Variants in LYPD1 observed in about 807,000 individuals in gnomAD.
LYPD1 encodes the protein ly6/PLAUR domain-containing protein 1.
In LYPD1, 14 loss-of-function variants were observed where a neutral mutation model predicts 14.2. That is an observed-to-expected ratio of 0.99 (90% confidence interval 0.65 to 1.54). The LOEUF (loss-of-function observed/expected upper bound fraction) is 1.54. Among genes scored for constraint, LYPD1 ranks in the 40% most tolerant of loss-of-function variants. The pLI, the probability that LYPD1 is intolerant of heterozygous loss-of-function variation, is 0.00. For synonymous variants in LYPD1, 85 were observed against 70.6 expected, an observed-to-expected ratio of 1.20 and a Z score of -1.02; for missense variants, 165 against 175.7, an observed-to-expected ratio of 0.94 and a Z score of 0.34.
At position 132,650,557 on chromosome 2, in the gene LYPD1, CTCTA is replaced by C. The variant is rs113541733; in HGVS notation, c.191-4281_191-4278del. Among the ~76,000 whole-genome samples the C allele has an allele frequency of 4.1e-4, 62 of 152,220 alleles. 1 individual carries two copies. The highest frequency in any genetic ancestry group is 6.8e-4 in the Non-Finnish European group (46 of 68,006). ...GTCATGGCAAAAGAATAGACCATCA[CTCTA>C]TCTATCACCAGGGAAGTGGTAAATT... On this transcript the variant is annotated intron_variant, in intron 2 of 2. Transcript: ENST00000397463.
At position 132,645,963 on chromosome 2, in the gene LYPD1, G is replaced by A. The variant is rs1682046709; in HGVS notation, c.*82C>T. On this transcript the variant is annotated 3_prime_UTR_variant, in exon 3 of 3. Coordinates refer to ENST00000397463, the MANE Select transcript of LYPD1 (RefSeq NM_144586.7). Reference sequence around the variant, plus strand: ...CCTACCCAGAATAAAAGGACACCCAGAAGAAACTCACTCAGGGAGGTGGGG... The same window carrying A: ...CCTACCCAGAATAAAAGGACACCCAAAAGAAACTCACTCAGGGAGGTGGGG... The A allele has an allele frequency of 9.3e-7, 1 of 1,075,568 alleles. No individual in the cohort carries two copies. Among genetic ancestry groups the A allele is most frequent in the East Asian group, 2.6e-5 (1 of 39,210 alleles). 66.6% of individuals were successfully genotyped at this position (1,075,568 alleles called of 1,614,324 possible).
In LYPD1 at chr2:132,645,623, C is replaced by A. The variant is rs1004779751; in HGVS notation, c.*422G>T. ...GAAGTTTGAATGTCAAGCGAGGGAG[C>A]CTTGAGTGGGAACTGGCCCTCCAGC... On this transcript the variant is annotated 3_prime_UTR_variant, in exon 3 of 3. Transcript: ENST00000397463. 3 of 1,599,590 alleles carry A rather than the reference C, an allele frequency of 1.9e-6. No homozygotes were observed. The highest frequency in any genetic ancestry group is 2.7e-5 in the African/African-American group (2 of 74,366).
rs934612809 is a variant in LYPD1, at chr2:132,643,729, A to G, written c.*2316T>C. Among the ~76,000 whole-genome samples the G allele has an allele frequency of 2.0e-5, 3 of 152,124 alleles. No homozygotes were observed. Among genetic ancestry groups the G allele is most frequent in the Admixed American group, 6.6e-5 (1 of 15,262 alleles). ...GAGATGGGGTCTTGCTATGTTGCCT[A>G]GGTGGGTCTCAAATTTCTAGGCTTA... On this transcript the variant is annotated 3_prime_UTR_variant, in exon 3 of 3. Transcript: ENST00000397463.
intron 2 of LYPD1, among the ~76,000 whole-genome samples, chr2:132,648,057 A>T (rs1441511433): frequency 6.6e-6 from 1 of 152,206 alleles, no homozygotes; most frequent in Non-Finnish European, 1.5e-5. Flanking sequence ...CGAGGTACAG[A>T]GGATGCCTGT....
chr2:132,655,853 C>G lies in LYPD1; in HGVS notation c.191-9573G>C, dbSNP rs532800821. 3.3e-5 allele frequency among the ~76,000 whole-genome samples: 5 copies of G among 152,156 alleles called. No homozygotes were observed. In the South Asian group the frequency reaches 1.0e-3, roughly 32 times the overall value. On this transcript the variant is annotated intron_variant, in intron 2 of 2. Coordinates refer to ENST00000397463, the MANE Select transcript of LYPD1 (RefSeq NM_144586.7). ...AAACTAATCTTCTCCTACAAATAGC[C>G]CCTGGACCTTGAGGATCATAAATGG...
chr2:132,668,267 A>C lies in LYPD1; in HGVS notation c.190+133T>G, dbSNP rs191311937. On this transcript the variant is annotated intron_variant, in intron 2 of 2. Transcript: ENST00000397463. ...AACTCTTCATTTTCCCAGCACTGTAAAACTAAATCTGCGATAACCAGTGTG... is the reference window on the plus strand; with the variant it reads ...AACTCTTCATTTTCCCAGCACTGTACAACTAAATCTGCGATAACCAGTGTG... 138 of 1,191,692 alleles carry C rather than the reference A, an allele frequency of 1.2e-4. 2 individuals are homozygous for C. The East Asian group carries it at 3.2e-3, about 28-fold the overall frequency. 73.8% of individuals were successfully genotyped at this position (1,191,692 alleles called of 1,614,324 possible).
rs1683466532 is a variant in LYPD1 at position 132,669,068 on chromosome 2, G to A, written c.53-531C>T. Among the ~76,000 whole-genome samples, 2 of 152,218 alleles carry A rather than the reference G, an allele frequency of 1.3e-5. No individual in the cohort carries two copies. Among genetic ancestry groups the A allele is most frequent in the Admixed American group, 6.5e-5 (1 of 15,284 alleles). ...GCGACCACCTGGGAACAACTTGGGT[G>A]GAGGTGCCAGACGCCAAGCGCTGCT... On this transcript the variant is annotated intron_variant, in intron 1 of 2. Coordinates refer to ENST00000397463, the MANE Select transcript of LYPD1 (RefSeq NM_144586.7). The surrounding 1 kb of genome is among the most constrained non-coding windows in gnomAD (Gnocchi z 4.3).
chr2:132,659,549 A>G (rs1192850326), intron 2 of LYPD1, among the ~76,000 whole-genome samples: 1 of 152,180 alleles, frequency 6.6e-6, no homozygotes, highest in Non-Finnish European at 1.5e-5. Context: ...CAAAGATGAA[A>G]TTGTTTCTGG....
chr2:132,649,381 C>G (rs1236990120), intron 2 of LYPD1, among the ~76,000 whole-genome samples: 1 of 152,086 alleles, frequency 6.6e-6, no homozygotes, highest in Admixed American at 6.6e-5. Flanking sequence ...TGTTTGGAGT[C>G]TGCAAAGAAG....
In LYPD1 at chr2:132,670,082, G is replaced by T. The variant is rs551914471; in HGVS notation, c.-150C>A. 5 of 1,481,666 alleles carry T rather than the reference G, an allele frequency of 3.4e-6. No homozygotes were observed. The Admixed American group carries it at 9.3e-5, about 27-fold the overall frequency. 91.8% of individuals were successfully genotyped at this position (1,481,666 alleles called of 1,614,324 possible). On this transcript the variant is annotated 5_prime_UTR_variant, in exon 1 of 3. Transcript: ENST00000397463. The surrounding 1 kb of genome is among the most constrained non-coding windows in gnomAD (Gnocchi z 4.5). ...ACGACGGTCGTAGCTTAGAGGAGCC[G>T]CAGGTGCCGCTCGCGGAGCCTGCAT... is the stretch of plus-strand genomic sequence containing the variant.
In LYPD1 at chr2:132,644,711, A is replaced by G. The variant is rs1384308041; in HGVS notation, c.*1334T>C. Reference sequence around the variant, plus strand: ...AAACACTGCTTTATCTAATGCAGCTATACTGTATGTATACATCTTTTTCTT... The same window carrying G: ...AAACACTGCTTTATCTAATGCAGCTGTACTGTATGTATACATCTTTTTCTT... On this transcript the variant is annotated 3_prime_UTR_variant, in exon 3 of 3. Transcript: ENST00000397463. 3.3e-5 allele frequency: 6 copies of G among 184,578 alleles called. No individual in the cohort carries two copies. Among genetic ancestry groups the G allele is most frequent in the African/African-American group, 1.4e-4 (6 of 42,060 alleles). The allele number at this position is 184,578 out of a possible 1,614,324, so 11.4% of individuals were successfully genotyped here.
chr2:132,650,217 ACT>A lies in LYPD1; in HGVS notation c.191-3939_191-3938del, dbSNP rs373101709. Reference sequence around the variant, plus strand: ...AGAGCTTTGAAACACATGAAAAGATACTCTCTCATATCATAAGAAGAATGCAA... The same window carrying A: ...AGAGCTTTGAAACACATGAAAAGATACTCTCATATCATAAGAAGAATGCAA... On this transcript the variant is annotated intron_variant, in intron 2 of 2. Transcript: ENST00000397463. Among the ~76,000 whole-genome samples the A allele has an allele frequency of 3.9e-4, 59 of 152,270 alleles. 2 individuals carry two copies. Among genetic ancestry groups the A allele is most frequent in the African/African-American group, 1.3e-3 (54 of 41,556 alleles).
In LYPD1 at chr2:132,643,856, G is replaced by A. The variant is rs1326114535; in HGVS notation, c.*2189C>T. Among the ~76,000 whole-genome samples the A allele has an allele frequency of 2.6e-5, 4 of 152,192 alleles. No homozygotes were observed. The highest frequency in any genetic ancestry group is 9.7e-5 in the African/African-American group (4 of 41,442). On this transcript the variant is annotated 3_prime_UTR_variant, in exon 3 of 3. Coordinates refer to ENST00000397463, the MANE Select transcript of LYPD1 (RefSeq NM_144586.7). ...ATAGAATATTTACCATGGGTCATAG[G>A]CAGGAAGCATTCATTGCCAACTGTC...
intron 2 of LYPD1, among the ~76,000 whole-genome samples, chr2:132,646,770 G>A (rs1367573638): frequency 1.3e-5 from 2 of 152,200 alleles, no homozygotes; most frequent in Non-Finnish European, 1.5e-5. Flanking sequence ...AAATCCCGAA[G>A]GGAAATAAAT....
rs1553462368 is a variant in LYPD1, at chr2:132,645,507, T to TAA, written c.*536_*537dup. 8.1e-6 allele frequency: 13 copies of TAA among 1,614,086 alleles called. No homozygotes were observed. The highest frequency in any genetic ancestry group is 7.7e-5 in the South Asian group (7 of 91,074). On this transcript the variant is annotated 3_prime_UTR_variant, in exon 3 of 3. Transcript: ENST00000397463. Reference sequence around the variant, plus strand: ...TTCAGAGCGAGGCCGAGCCCCAGTCTAAGTCCCAGTCATTGAGTCTCGAGT... The same window carrying TAA: ...TTCAGAGCGAGGCCGAGCCCCAGTCTAAAAGTCCCAGTCATTGAGTCTCGAGT...
chr2:132,670,042 G>C lies in LYPD1; in HGVS notation c.-110C>G. 1 of 1,545,630 alleles carries C rather than the reference G, an allele frequency of 6.5e-7. No individual in the cohort carries two copies. Among genetic ancestry groups the C allele is most frequent in the Non-Finnish European group, 8.7e-7 (1 of 1,155,370 alleles). The stretch of plus-strand genomic sequence containing the variant: ...GGCTGCCGAGGCTGCTGGGGCCCGC[G>C]CTGCTGCCGCGGAGACGACGGTCGT... On this transcript the variant is annotated 5_prime_UTR_variant, in exon 1 of 3. Transcript: ENST00000397463. This position sits in a 1 kb window ranked among gnomAD's most constrained non-coding sequence, Gnocchi z 4.5.
At chr2:132,663,842 G>A (rs1463281338) in intron 2 of LYPD1, among the ~76,000 whole-genome samples, 1 of 152,030 alleles carries the variant, frequency 6.6e-6, no homozygotes, top group Non-Finnish European at 1.5e-5. Flanking sequence ...TAACAAAGTT[G>A]TTCTGCAAAA....
In LYPD1 at chr2:132,644,689, C is replaced by CAA. The variant is rs1425911358; in HGVS notation, c.*1355_*1356insTT. On this transcript the variant is annotated 3_prime_UTR_variant, in exon 3 of 3. Transcript: ENST00000397463. The stretch of plus-strand genomic sequence containing the variant: ...GTGCAGACATCCTTTAAAATACAAA[C>CAA]ACTGCTTTATCTAATGCAGCTATAC... Among the ~76,000 whole-genome samples the CAA allele has an allele frequency of 2.0e-5, 3 of 151,906 alleles. No individual in the cohort carries two copies. Among genetic ancestry groups the CAA allele is most frequent in the Non-Finnish European group, 4.4e-5 (3 of 67,972 alleles).
At chr2:132,651,946 G>A (rs2104902997) in intron 2 of LYPD1, among the ~76,000 whole-genome samples, 1 of 152,304 alleles carries the variant, frequency 6.6e-6, no homozygotes, top group South Asian at 2.1e-4. Flanking sequence ...GTTTGGCAAA[G>A]AACACCACGG....
Sources: gnomAD v4.1 joint callset for allele counts (sites outside exome capture counted in the v4.1 genomes callset) on GRCh38, gnomAD v4.1.1 for gene constraint, Gnocchi (gnomAD v3.1) non-coding constraint, MANE v1.5 for transcripts, NCBI Gene and HGNC (gene_info 2026-07-23, HGNC 2026-07-21) for gene names.